The following RNGTT variants were observed in gnomAD, a reference collection of about 807,000 sequenced individuals.
The protein encoded by RNGTT is mRNA-capping enzyme.
In RNGTT, 33 loss-of-function variants were observed where a neutral mutation model predicts 79.3. The ratio of observed to expected loss-of-function variants is 0.42; its 90% CI spans 0.32 to 0.56. The LOEUF is 0.56. Ranked by LOEUF, RNGTT falls within the 20% of genes least tolerant of loss-of-function variation. RNGTT has a pLI of 0.17. For synonymous variants in RNGTT, 222 were observed against 235.9 expected, an observed-to-expected ratio of 0.94 and a Z score of 0.54; for missense variants, 497 against 739.1, an observed-to-expected ratio of 0.67 and a Z score of 3.80.
At chr6:88,738,839 T>TACACAC (rs200498670) in intron 13 of RNGTT, among the ~76,000 whole-genome samples, 222 of 142,598 alleles carry the variant, frequency 1.6e-3, no homozygotes, top group East Asian at 3.7e-3. Flanking sequence ...ATAAATAAAA[T>TACACAC]ACACACACAC....
chr6:88,764,404 T>C (rs1258764517), intron 13 of RNGTT, among the ~76,000 whole-genome samples: 2 of 152,218 alleles, frequency 1.3e-5, no homozygotes, highest in Non-Finnish European at 2.9e-5. Flanking sequence ...TAGGAAATCT[T>C]GTATCTCAAC....
At chr6:88,697,837 C>T (rs139579597) in intron 13 of RNGTT, among the ~76,000 whole-genome samples, 1 of 144,176 alleles carries the variant, frequency 6.9e-6, no homozygotes, top group Admixed American at 6.9e-5. Context: ...CACCACTGCA[C>T]TCCAGCCTGG....
intron 14 of RNGTT, among the ~76,000 whole-genome samples, chr6:88,616,841 C>T (rs1772244360): frequency 6.6e-6 from 1 of 152,160 alleles, no homozygotes; most frequent in Non-Finnish European, 1.5e-5. Context: ...CTGTAGGCTG[C>T]CTTTTCACAC....
intron 13 of RNGTT, among the ~76,000 whole-genome samples, chr6:88,748,369 C>A: frequency 6.6e-6 from 1 of 152,066 alleles, no homozygotes; most frequent in East Asian, 1.9e-4. Context: ...TATACAGGAT[C>A]TTTTGCTCCA....
intron 14 of RNGTT, among the ~76,000 whole-genome samples, chr6:88,652,920 T>C (rs904256264): frequency 2.0e-5 from 3 of 152,280 alleles, no homozygotes; most frequent in Admixed American, 2.0e-4. Flanking sequence ...TATAATGGAT[T>C]AGTATTCGCT....
At chr6:88,800,191 C>T (rs954199606) in intron 12 of RNGTT, among the ~76,000 whole-genome samples, 1 of 152,080 alleles carries the variant, frequency 6.6e-6, no homozygotes, top group African/African-American at 2.4e-5. Context: ...GTTGAATATG[C>T]CTTCTCTGAA....
chr6:88,656,871 C>T (rs1156938044), intron 14 of RNGTT, among the ~76,000 whole-genome samples: 3 of 151,992 alleles, frequency 2.0e-5, no homozygotes, highest in Admixed American at 6.5e-5. Context: ...AGGAGACTTG[C>T]TTGAGCCCAG....
At chr6:88,876,718 G>A (rs2127924538) in intron 8 of RNGTT, among the ~76,000 whole-genome samples, 1 of 152,156 alleles carries the variant, frequency 6.6e-6, no homozygotes, top group South Asian at 2.1e-4. Flanking sequence ...TCTATATAGG[G>A]GAAAAAATGT....
intron 10 of RNGTT, among the ~76,000 whole-genome samples, chr6:88,848,103 T>C (rs1003088077): frequency 6.8e-6 from 1 of 147,464 alleles, no homozygotes; most frequent in Admixed American, 6.7e-5. Flanking sequence ...AAAAAAAAAA[T>C]AAGAAATATG....
At chr6:88,935,096 T>C (rs9344889) in intron 2 of RNGTT, among the ~76,000 whole-genome samples, 6,349 of 152,284 alleles carry the variant, frequency 0.042, 194 homozygotes, top group African/African-American at 0.079. Context: ...CCATCTTGAT[T>C]TGATTTTGTA....
chr6:88,697,229 C>G (rs1417229083), intron 13 of RNGTT, among the ~76,000 whole-genome samples: 8 of 152,226 alleles, frequency 5.3e-5, no homozygotes, highest in Non-Finnish European at 1.2e-4. Context: ...TTAATTTTAA[C>G]TTGAATAATT....
At chr6:88,788,307 T>C (rs1246929535) in intron 12 of RNGTT, among the ~76,000 whole-genome samples, 1 of 151,914 alleles carries the variant, frequency 6.6e-6, no homozygotes, top group Non-Finnish European at 1.5e-5. Context: ...CAAACTTCAA[T>C]GGCTGGTAGA....
At position 88,698,180 on chromosome 6, in the gene RNGTT, TATATATATGAAATATATATG is replaced by T. The variant is rs1431663566; in HGVS notation, c.1440-19781_1440-19762del. Among the ~76,000 whole-genome samples the T allele has an allele frequency of 3.6e-4, 40 of 111,720 alleles. 2 individuals carry two copies. In the East Asian group the frequency reaches 3.9e-3, roughly 11 times the overall value. The allele number at this position is 111,720 out of a possible 152,430, so 73.3% of individuals were successfully genotyped here. A position where few individuals can be genotyped will look rare whatever the true frequency, so the allele number is the denominator to read the frequency against. On this transcript the variant is annotated intron_variant, in intron 13 of 15. Coordinates refer to ENST00000369485, the MANE Select transcript of RNGTT (RefSeq NM_003800.5). ...TATGATATATATGACATATATATGA[TATATATATGAAATATATATG>T]ATATATATGAAATATATATATCATA...
chr6:88,728,029 A>G (rs1022144709), intron 13 of RNGTT, among the ~76,000 whole-genome samples: 13 of 152,124 alleles, frequency 8.5e-5, no homozygotes, highest in African/African-American at 2.9e-4. Flanking sequence ...CCTATAGTGG[A>G]AAGGGGATGG....
At chr6:88,794,682 C>T (rs969121398) in intron 12 of RNGTT, among the ~76,000 whole-genome samples, 1 of 152,036 alleles carries the variant, frequency 6.6e-6, no homozygotes, top group Non-Finnish European at 1.5e-5. Context: ...CAAAAGAGAG[C>T]TTGTGAGGGG....
rs1324159122 is a variant in RNGTT at position 88,826,844 on chromosome 6, A to ATATG, written c.1269+17512_1269+17513insCATA. On this transcript the variant is annotated intron_variant, in intron 11 of 15. Transcript: ENST00000369485. ...TGTGTGTATATATATATATATATATATGTGTGTGTGTATATATATATATAT... is the reference window on the plus strand; with the variant it reads ...TGTGTGTATATATATATATATATATATATGTGTGTGTGTGTATATATATATATAT... 3.3e-3 allele frequency among the ~76,000 whole-genome samples: 388 copies of ATATG among 118,772 alleles called. 4 individuals carry two copies. Among genetic ancestry groups the ATATG allele is most frequent in the African/African-American group, 0.011 (309 of 28,458 alleles). 77.9% of individuals were successfully genotyped at this position (118,772 alleles called of 152,430 possible). A position where few individuals can be genotyped will look rare whatever the true frequency, so the allele number is the denominator to read the frequency against.
intron 13 of RNGTT, among the ~76,000 whole-genome samples, chr6:88,701,562 GGC>G (rs1775946651): frequency 7.6e-6 from 1 of 132,244 alleles, no homozygotes; most frequent in African/African-American, 4.1e-5. Flanking sequence ...CAATATGCAA[GGC>G]TCTGTGTTAA....
At chr6:88,855,628 A>G (rs966874453) in intron 8 of RNGTT, among the ~76,000 whole-genome samples, 2 of 152,176 alleles carry the variant, frequency 1.3e-5, no homozygotes, top group Non-Finnish European at 2.9e-5. Context: ...TGGAGAGCTC[A>G]GGCCCTTGCT....
intron 14 of RNGTT, among the ~76,000 whole-genome samples, chr6:88,649,424 C>T (rs957501199): frequency 5.3e-5 from 8 of 152,186 alleles, no homozygotes; most frequent in Non-Finnish European, 7.3e-5. Context: ...TCTAGCCGGG[C>T]GCGGTGGCTC....
Sources: gnomAD v4.1 joint callset for allele counts (sites outside exome capture counted in the v4.1 genomes callset) on GRCh38, gnomAD v4.1.1 for gene constraint, MANE v1.5 for transcripts, NCBI Gene and HGNC (gene_info 2026-07-23, HGNC 2026-07-21) for gene names.